Variants in C1orf87 observed in about 807,000 individuals in gnomAD.
C1orf87 encodes chromosome 1 open reading frame 87.
C1orf87 carries 58 observed loss-of-function variants against 60.5 expected under a neutral mutation model. The ratio of observed to expected loss-of-function variants is 0.96; its 90% CI spans 0.78 to 1.19. The LOEUF (loss-of-function observed/expected upper bound fraction) is 1.19, where lower values mean the gene tolerates loss of function less well. C1orf87 is among the 50% of genes most tolerant of loss of function. The pLI is 0.00. For synonymous variants in C1orf87, 236 were observed against 227.4 expected, an observed-to-expected ratio of 1.04 and a Z score of -0.34; for missense variants, 673 against 638.6, an observed-to-expected ratio of 1.05 and a Z score of -0.58.
intron 2 of C1orf87, among the ~76,000 whole-genome samples, chr1:60,062,486 A>G (rs1574328757): frequency 6.6e-6 from 1 of 152,186 alleles, no homozygotes; most frequent in African/African-American, 2.4e-5. Flanking sequence ...TTCTCTAAAC[A>G]CCTGCCAGCA....
intron 8 of C1orf87, among the ~76,000 whole-genome samples, chr1:60,023,363 G>T (rs1645177193): frequency 6.6e-6 from 1 of 152,022 alleles, no homozygotes; most frequent in Non-Finnish European, 1.5e-5. Context: ...GCCCAGTGAT[G>T]CTCTGTTAGT....
chr1:60,028,078 T>C (rs1645212504), intron 7 of C1orf87, among the ~76,000 whole-genome samples: 1 of 152,176 alleles, frequency 6.6e-6, no homozygotes, highest in African/African-American at 2.4e-5. Flanking sequence ...CATGAATGCA[T>C]GAGCTGAATT....
intron 8 of C1orf87, among the ~76,000 whole-genome samples, chr1:60,020,100 A>ATTTCAGAGAT (rs1396869480): frequency 1.3e-5 from 2 of 152,210 alleles, no homozygotes; most frequent in Admixed American, 1.3e-4. Flanking sequence ...TCTCTAGGTC[A>ATTTCAGAGAT]TTTCAGAGAT....
chr1:60,040,262 G>C, intron 4 of C1orf87, 82 bp from the exon 5 acceptor site: 3 of 1,517,128 alleles, frequency 2.0e-6, no homozygotes, highest in Non-Finnish European at 2.6e-6. Flanking sequence ...AGGCACACTG[G>C]GGCTGGTATC....
chr1:59,992,178 C>T (rs1644928387), intron 11 of C1orf87, among the ~76,000 whole-genome samples: 1 of 151,986 alleles, frequency 6.6e-6, no homozygotes, highest in Non-Finnish European at 1.5e-5. Flanking sequence ...TTAACCACTA[C>T]AGTACGTTAT....
chr1:60,024,491 C>T (rs758044117), intron 8 of C1orf87, among the ~76,000 whole-genome samples: 5 of 152,112 alleles, frequency 3.3e-5, no homozygotes, highest in Non-Finnish European at 7.3e-5. Flanking sequence ...TTTGGTGTTA[C>T]CTTTCCTGGC....
intron 7 of C1orf87, among the ~76,000 whole-genome samples, chr1:60,029,965 C>G (rs1645225828): frequency 6.6e-6 from 1 of 152,092 alleles, no homozygotes; most frequent in African/African-American, 2.4e-5. Context: ...CTTTGCCAAA[C>G]TTGCCTGTCC....
intron 8 of C1orf87, among the ~76,000 whole-genome samples, chr1:60,011,194 T>C (rs1272445394): frequency 6.6e-6 from 1 of 152,078 alleles, no homozygotes; most frequent in African/African-American, 2.4e-5. Flanking sequence ...CAGGTAATCA[T>C]TTAAAGCTTA....
chr1:60,034,480 C>A (rs1353765192), intron 6 of C1orf87, among the ~76,000 whole-genome samples: 1 of 152,202 alleles, frequency 6.6e-6, no homozygotes, highest in Non-Finnish European at 1.5e-5. Context: ...CATTGCTCAA[C>A]TTCTACCCAT....
At chr1:60,052,095 G>A (rs529498072) in intron 3 of C1orf87, among the ~76,000 whole-genome samples, 1 of 152,294 alleles carries the variant, frequency 6.6e-6, no homozygotes, top group South Asian at 2.1e-4. Flanking sequence ...CAAGGCTATT[G>A]TGGAGAAGGA....
chr1:60,061,294 A>C (rs999100934), intron 2 of C1orf87, among the ~76,000 whole-genome samples: 1 of 152,184 alleles, frequency 6.6e-6, no homozygotes, highest in Non-Finnish European at 1.5e-5. Flanking sequence ...CTCTTTATAC[A>C]AAGCTTCCAT....
At chr1:60,062,393 G>T (rs1645503187) in intron 2 of C1orf87, among the ~76,000 whole-genome samples, 1 of 152,092 alleles carries the variant, frequency 6.6e-6, no homozygotes, top group Non-Finnish European at 1.5e-5. Context: ...CTGATTCATA[G>T]ATACAGATCT....
At chr1:59,994,217 C>T (rs1030304671) in intron 11 of C1orf87, among the ~76,000 whole-genome samples, 10 of 151,790 alleles carry the variant, frequency 6.6e-5, no homozygotes, top group Admixed American at 2.0e-4. Flanking sequence ...AAGTGACTGG[C>T]TTTTACGGAT....
chr1:60,025,831 G>C (rs997150765), intron 7 of C1orf87, among the ~76,000 whole-genome samples: 2 of 152,150 alleles, frequency 1.3e-5, no homozygotes, highest in African/African-American at 4.8e-5. Context: ...ACACATACTT[G>C]ATTATATAGG....
intron 8 of C1orf87, chr1:60,010,751 T>A (rs630572): frequency 4.3e-6 from 1 of 234,146 alleles, no homozygotes; most frequent in Admixed American, 5.6e-5. Flanking sequence ...TGTCTCAGTT[T>A]CCCCTAGCTA....
chr1:60,039,458 A>G (rs951081020), intron 5 of C1orf87, among the ~76,000 whole-genome samples: 1 of 152,198 alleles, frequency 6.6e-6, no homozygotes, highest in African/African-American at 2.4e-5. Context: ...AGTCTCCTAA[A>G]CAAGTTATTG....
At chr1:60,068,051 C>T (rs1456933678) in intron 2 of C1orf87, among the ~76,000 whole-genome samples, 1 of 152,068 alleles carries the variant, frequency 6.6e-6, no homozygotes, top group Admixed American at 6.5e-5. Flanking sequence ...GGTGTTATTT[C>T]TGAGGCCTCT....
intron 9 of C1orf87, among the ~76,000 whole-genome samples, chr1:60,007,744 T>C (rs568317650): frequency 1.6e-4 from 24 of 152,056 alleles, no homozygotes; most frequent in Non-Finnish European, 1.2e-4. Flanking sequence ...GTCACAGATA[T>C]TAAGTATTTA....
chr1:60,070,567 T>C (rs1645577703), intron 2 of C1orf87, among the ~76,000 whole-genome samples: 4 of 152,130 alleles, frequency 2.6e-5, no homozygotes, highest in Admixed American at 6.5e-5. Context: ...TTTTTAAACA[T>C]AGAAGAATAT....
Sources: allele counts gnomAD v4.1 joint callset (sites outside exome capture counted in the v4.1 genomes callset), GRCh38; gene constraint gnomAD v4.1.1; transcripts MANE v1.5; gene names NCBI Gene and HGNC (gene_info 2026-07-23, HGNC 2026-07-21).